The following SERPINE2 variants were observed in gnomAD, a reference collection of about 807,000 sequenced individuals.
The protein encoded by SERPINE2 is serpin family E member 2.
In SERPINE2, 14 loss-of-function variants were observed where a neutral mutation model predicts 36.3. The ratio of observed to expected loss-of-function variants is 0.39; its 90% CI spans 0.25 to 0.60. The LOEUF (loss-of-function observed/expected upper bound fraction) is 0.60. Among genes scored for constraint, SERPINE2 ranks in the 20% least tolerant of loss-of-function variants. SERPINE2 has a pLI of 0.57. For missense variants in SERPINE2, 418 were observed against 499.6 expected (o/e 0.84, Z 1.56); for synonymous variants, 192 against 191.8 (o/e 1.00, Z -0.01).
At chr2:224,031,492 G>C (rs1692366395) in intron 1 of SERPINE2, 2 of 985,414 alleles carry the variant, frequency 2.0e-6, no homozygotes, top group East Asian at 1.1e-4. Flanking sequence ...CATGTGATTT[G>C]GGATTCAGCC....
At chr2:223,994,353 T>G (rs1690793349) in intron 3 of SERPINE2, among the ~76,000 whole-genome samples, 1 of 152,132 alleles carries the variant, frequency 6.6e-6, no homozygotes, top group African/African-American at 2.4e-5. Flanking sequence ...CAACTGCCCC[T>G]GGGAGGACTA....
intron 1 of SERPINE2, chr2:224,031,196 C>A: frequency 1.0e-6 from 1 of 985,436 alleles, no homozygotes; most frequent in Non-Finnish European, 1.2e-6. Context: ...CTGGCACTGA[C>A]ACATAAAGGC....
rs570280058 is a variant in SERPINE2 at position 224,011,989 on chromosome 2, T to C, written c.-22-10067A>G. Among the ~76,000 whole-genome samples, 191 of 152,302 alleles carry C rather than the reference T, an allele frequency of 1.3e-3. 2 individuals carry two copies. Among genetic ancestry groups the C allele is most frequent in the Middle Eastern group, 0.01 (3 of 294 alleles). ...ACCTGTTACCTCGGTCAATTACTAG[T>C]GGGAGTTGAAGGCCACTTTCTTGGT... On this transcript the variant is annotated intron_variant, in intron 1 of 8. Transcript: ENST00000409304.
At chr2:224,022,227 G>A (rs1482629051) in intron 1 of SERPINE2, among the ~76,000 whole-genome samples, 1 of 148,640 alleles carries the variant, frequency 6.7e-6, no homozygotes, top group African/African-American at 2.5e-5. Flanking sequence ...AGCTACTCAT[G>A]AGGCTGAGGT....
At chr2:224,006,971 A>G (rs1198962741) in intron 1 of SERPINE2, among the ~76,000 whole-genome samples, 2 of 152,122 alleles carry the variant, frequency 1.3e-5, no homozygotes, top group African/African-American at 4.8e-5. Context: ...TCACCTCTCC[A>G]GGCTGTGTGA....
chr2:224,029,139 T>A (rs1692278892), intron 1 of SERPINE2, among the ~76,000 whole-genome samples: 2 of 152,246 alleles, frequency 1.3e-5, no homozygotes, highest in Non-Finnish European at 2.9e-5. Flanking sequence ...ATTGTTATTT[T>A]AACTAACATG....
chr2:224,020,220 T>C (rs1691950629), intron 1 of SERPINE2, among the ~76,000 whole-genome samples: 1 of 152,186 alleles, frequency 6.6e-6, no homozygotes. Context: ...CTGTCTACCC[T>C]GAGAGACTCA....
intron 6 of SERPINE2, chr2:223,982,133 C>T (rs1690246701): frequency 6.6e-6 from 1 of 152,002 alleles, no homozygotes; most frequent in Non-Finnish European, 1.5e-5. Flanking sequence ...TGGAATACTA[C>T]TCAGTCATAA....
chr2:223,987,476 C>G (rs117105992), intron 4 of SERPINE2, among the ~76,000 whole-genome samples: 2,344 of 152,336 alleles, frequency 0.015, 167 homozygotes, highest in Admixed American at 0.13. Context: ...TTAAAATCCC[C>G]TACCCGATGC....
At chr2:223,978,417 CA>C (rs1690095580) in intron 7 of SERPINE2, 1 of 152,290 alleles carries the variant, frequency 6.6e-6, no homozygotes. Flanking sequence ...TCTCCTTTGG[CA>C]CATTATTTAG....
chr2:223,998,682 T>C (rs1690991639), intron 2 of SERPINE2, among the ~76,000 whole-genome samples: 1 of 152,132 alleles, frequency 6.6e-6, no homozygotes, highest in Non-Finnish European at 1.5e-5. Context: ...GGCCCCTGCA[T>C]ACAGCCTGGG....
chr2:223,977,703 C>T, intron 7 of SERPINE2, 76 bp from the exon 8 acceptor site: 1 of 931,576 alleles, frequency 1.1e-6, no homozygotes, highest in Non-Finnish European at 1.8e-6. Context: ...AGTTAGCTAG[C>T]TTCATGGACC....
chr2:224,002,653 T>C, intron 1 of SERPINE2, among the ~76,000 whole-genome samples: 1 of 133,418 alleles, frequency 7.5e-6, no homozygotes, highest in Non-Finnish European at 1.6e-5. Flanking sequence ...CCAACTCGTC[T>C]GGCAATTTTT....
At chr2:223,984,158 T>G (rs1308116028) in intron 5 of SERPINE2, among the ~76,000 whole-genome samples, 1 of 152,036 alleles carries the variant, frequency 6.6e-6, no homozygotes, top group Non-Finnish European at 1.5e-5. Flanking sequence ...CAACATTCAT[T>G]GCTTCTTCAC....
intron 3 of SERPINE2, among the ~76,000 whole-genome samples, chr2:223,996,603 G>A (rs1459457748): frequency 6.6e-6 from 1 of 152,194 alleles, no homozygotes; most frequent in Non-Finnish European, 1.5e-5. Context: ...CCACTCCCTC[G>A]GCGATTCCAA....
At chr2:224,012,133 G>C (rs1285417500) in intron 1 of SERPINE2, among the ~76,000 whole-genome samples, 1 of 152,130 alleles carries the variant, frequency 6.6e-6, no homozygotes, top group East Asian at 1.9e-4. Context: ...CTGAGTGTGG[G>C]ACTTCACCTG....
At chr2:224,025,956 G>A (rs189863803) in intron 1 of SERPINE2, among the ~76,000 whole-genome samples, 10 of 152,326 alleles carry the variant, frequency 6.6e-5, no homozygotes, top group East Asian at 5.8e-4. Context: ...CTTGCCAACC[G>A]CAGAGCTGGG....
chr2:224,010,436 G>A, intron 1 of SERPINE2: 1 of 890,112 alleles, frequency 1.1e-6, no homozygotes, highest in South Asian at 5.2e-5. Context: ...CTGACATCAA[G>A]TGCCTTTTAT....
Position 223,991,789 on chromosome 2 carries a change from G to A in SERPINE2, c.685+14C>T, listed in dbSNP as rs1188777843. 1 of 1,613,192 alleles carries A rather than the reference G, an allele frequency of 6.2e-7. No individual in the cohort carries two copies. Among genetic ancestry groups the A allele is most frequent in the South Asian group, 1.1e-5 (1 of 91,028 alleles). ...AGCACATCCTAGAACAGGCTTCGCT[G>A]AGCATGAACTCACCACACCGGAACA... On this transcript the variant is annotated intron_variant, in intron 4 of 8. Transcript: ENST00000409304.
Sources: allele counts gnomAD v4.1 joint callset (sites outside exome capture counted in the v4.1 genomes callset), GRCh38; gene constraint gnomAD v4.1.1; transcripts MANE v1.5; gene names NCBI Gene and HGNC (gene_info 2026-07-23, HGNC 2026-07-21).